Variants in KIF17 observed in about 807,000 individuals in gnomAD.
KIF17 encodes kinesin-like protein KIF17.
A neutral mutation model predicts 96.8 loss-of-function variants in KIF17; 80 were observed. The ratio of observed to expected loss-of-function variants is 0.83; its 90% CI spans 0.69 to 1.00. The LOEUF is 1.00. Among genes scored for constraint, KIF17 ranks in the 50% least tolerant of loss-of-function variants. KIF17 has a pLI of 0.00. For synonymous variants in KIF17, 567 were observed against 587.5 expected, an observed-to-expected ratio of 0.97 and a Z score of 0.51; for missense variants, 1,280 against 1,372.9, an observed-to-expected ratio of 0.93 and a Z score of 1.07.
At chr1:20,681,772 A>G (rs1057025802) in intron 11 of KIF17, among the ~76,000 whole-genome samples, 1 of 151,894 alleles carries the variant, frequency 6.6e-6, no homozygotes, top group Non-Finnish European at 1.5e-5. Flanking sequence ...CTCCATCCCA[A>G]TGCTCCTCCT....
chr1:20,693,995 C>T (rs936107553), intron 6 of KIF17: 4 of 152,156 alleles, frequency 2.6e-5, no homozygotes, highest in African/African-American at 9.7e-5. Context: ...CTTTCTGAAC[C>T]ATTGCTTCCT....
In KIF17 at chr1:20,690,293, C is replaced by T; in HGVS notation, c.1276G>A (p.Ala426Thr). ...AGCCTGGCCCGAGACTCCTGCTCGG[C>T]CTTATAGTCGGCTTTCAGCCGGGCC... Reference protein sequence around the residue: ...RLARLKADYKAEQESRARLEE... With the variant: ...RLARLKADYKTEQESRARLEE... Residue 426 changes from alanine to threonine, a missense_variant, in exon 7 of 15, where the codon GCC becomes ACC. Physicochemically the swap from Ala to Thr is moderately conservative, Grantham distance 58. Coordinates refer to ENST00000400463, the MANE Select transcript of KIF17 (RefSeq NM_001122819.3). The T allele has an allele frequency of 2.9e-6, 4 of 1,377,562 alleles. No individual in the cohort carries two copies. Among genetic ancestry groups the T allele is most frequent in the Non-Finnish European group, 2.9e-6 (3 of 1,031,750 alleles). 85.3% of individuals were successfully genotyped at this position (1,377,562 alleles called of 1,614,324 possible).
intron 11 of KIF17, among the ~76,000 whole-genome samples, chr1:20,682,005 A>G (rs1204994126): frequency 6.6e-6 from 1 of 152,092 alleles, no homozygotes; most frequent in Non-Finnish European, 1.5e-5. Context: ...GAACATAAAA[A>G]CGGAGTTGTC....
chr1:20,669,904 A>AAAC (rs2053609441), intron 13 of KIF17, among the ~76,000 whole-genome samples: 1 of 121,336 alleles, frequency 8.2e-6, no homozygotes. Flanking sequence ...AAAAAAAAAA[A>AAAC]CAACCACCAC....
chr1:20,686,199 T>TCACCTTGGGGA, intron 8 of KIF17, 73 bp from the exon 9 acceptor site: 1 of 1,326,260 alleles, frequency 7.5e-7, no homozygotes, highest in Non-Finnish European at 1.1e-6. Flanking sequence ...CCCTCACCCC[T>TCACCTTGGGGA]GGCCTCACTT....
intron 13 of KIF17, among the ~76,000 whole-genome samples, chr1:20,668,598 C>T (rs1047644398): frequency 6.6e-6 from 1 of 152,084 alleles, no homozygotes; most frequent in Non-Finnish European, 1.5e-5. Context: ...AGTTGCTCAG[C>T]CAGAGATGTT....
intron 5 of KIF17, 34 bp from the exon 6 acceptor site, chr1:20,698,522 AG>A: frequency 7.1e-7 from 1 of 1,409,522 alleles, no homozygotes; most frequent in Non-Finnish European, 1.0e-6. Flanking sequence ...AGCCAGGATG[AG>A]GGGCACATTG....
At chr1:20,684,505 G>A (rs973251075) in intron 10 of KIF17, among the ~76,000 whole-genome samples, 1 of 152,238 alleles carries the variant, frequency 6.6e-6, no homozygotes, top group African/African-American at 2.4e-5. Flanking sequence ...ACATTCAGGA[G>A]GGCACTGGAG....
At chr1:20,712,657 C>CTATATATATAATATAGATAATATCTA (rs1179020500) in intron 3 of KIF17, among the ~76,000 whole-genome samples, 1 of 14,584 alleles carries the variant, frequency 6.9e-5, no homozygotes, top group African/African-American at 2.2e-4. Flanking sequence ...ATAATATTAT[C>CTATATATATAATATAGATAATATCTA]TATATATAAT....
intron 1 of KIF17, among the ~76,000 whole-genome samples, chr1:20,716,563 G>A (rs1219882983): frequency 6.6e-6 from 1 of 152,234 alleles, no homozygotes; most frequent in Non-Finnish European, 1.5e-5. Flanking sequence ...AGAACTGGGG[G>A]AGCTGGGAGT....
At chr1:20,705,990 C>A (rs1340298023) in intron 4 of KIF17, among the ~76,000 whole-genome samples, 1 of 144,296 alleles carries the variant, frequency 6.9e-6, no homozygotes, top group Non-Finnish European at 1.5e-5. Flanking sequence ...CTCAATACAG[C>A]CTCGAACTCC....
At chr1:20,701,527 C>T (rs368630041) in intron 5 of KIF17, among the ~76,000 whole-genome samples, 3 of 152,176 alleles carry the variant, frequency 2.0e-5, no homozygotes, top group Admixed American at 6.5e-5. Flanking sequence ...GGGACCCAGG[C>T]GAAGCCACCT....
In KIF17 at chr1:20,664,139, G is replaced by A. The variant is rs938744406; in HGVS notation, c.*445C>T. 1.4e-5 allele frequency: 4 copies of A among 294,126 alleles called. No homozygotes were observed. Among genetic ancestry groups the A allele is most frequent in the Admixed American group, 9.0e-5 (2 of 22,170 alleles). The allele number at this position is 294,126 out of a possible 1,614,324, so 18.2% of individuals were successfully genotyped here. A position where few individuals can be genotyped will look rare whatever the true frequency, so the allele number is the denominator to read the frequency against. ...CCCCTGTGCCACCCCATGGGGCAGGGCAGTGCTTAGGAAGTGGGGCCAGTC... is the reference window on the plus strand; with the variant it reads ...CCCCTGTGCCACCCCATGGGGCAGGACAGTGCTTAGGAAGTGGGGCCAGTC... On this transcript the variant is annotated 3_prime_UTR_variant, in exon 15 of 15. Transcript: ENST00000400463.
In KIF17 at chr1:20,670,416, C is replaced by A. The variant is rs533376414; in HGVS notation, c.2790+5G>T. 4.5e-5 allele frequency: 72 copies of A among 1,613,698 alleles called. No homozygotes were observed. The African/African-American group carries it at 7.6e-4, about 17-fold the overall frequency. On this transcript the variant is annotated splice_donor_5th_base_variant and intron_variant, in intron 13 of 14. Transcript: ENST00000400463. ...ACACCCCACTCCCTCTCCCGCGGTC[C>A]TCACCATGTTCGGCTCGCCATTGTC...
At position 20,684,976 on chromosome 1, in the gene KIF17, T is replaced by C. The variant is rs1178408092; in HGVS notation, c.2064A>G (p.Thr688=). ...ASEVALEVVR[T]AEPGVWLEAQ... is the part of the protein sequence containing the mutation. ...CCTCCAACCACACGCCAGGCTCTGC[T>C]GTCCGCACCACCTCTAAGGCCACTT... Residue 688 remains threonine, a synonymous_variant, in exon 10 of 15, where the codon ACA becomes ACG. Coordinates refer to ENST00000400463, the MANE Select transcript of KIF17 (RefSeq NM_001122819.3). 5 of 1,605,922 alleles carry C rather than the reference T, an allele frequency of 3.1e-6. No individual in the cohort carries two copies. Among genetic ancestry groups the C allele is most frequent in the Non-Finnish European group, 4.2e-6 (5 of 1,176,532 alleles).
chr1:20,682,328 G>T (rs1325108450), intron 11 of KIF17, among the ~76,000 whole-genome samples: 4 of 152,154 alleles, frequency 2.6e-5, no homozygotes, highest in Non-Finnish European at 4.4e-5. Flanking sequence ...GTGCTTTCCA[G>T]CCTGGGCAAT....
intron 2 of KIF17, among the ~76,000 whole-genome samples, chr1:20,714,626 A>G (rs1451222577): frequency 6.6e-6 from 1 of 151,658 alleles, no homozygotes; most frequent in Non-Finnish European, 1.5e-5. Flanking sequence ...GCGAAACTCC[A>G]TCTCTACTAA....
chr1:20,684,930 C>T lies in KIF17; in HGVS notation c.2110G>A (p.Val704Met). The T allele has an allele frequency of 1.3e-5, 21 of 1,599,266 alleles. No individual in the cohort carries two copies. The highest frequency in any genetic ancestry group is 1.7e-5 in the Non-Finnish European group (20 of 1,173,526). The stretch of plus-strand genomic sequence containing the variant: ...GCCGGCAGGGGCTCAGGCTGAGCCA[C>T]CAGGGCCACCGGGGCCTGAGCCTCC... ...WLEAQAPVAL[V>M]AQPEPLPATA... The change falls in exon 10 of 15, where the codon GTG becomes ATG. Residue 704 changes from valine (V) to methionine (M), a missense_variant. By Grantham distance (21) the Val-to-Met change is conservative. Transcript: ENST00000400463.
intron 12 of KIF17, 86 bp downstream of exon 12, chr1:20,671,852 A>T: frequency 6.6e-7 from 1 of 1,505,184 alleles, no homozygotes; most frequent in Non-Finnish European, 9.1e-7. Context: ...ACAGCCTGCA[A>T]GGAGAGGCCC....
Sources: gnomAD v4.1 joint callset for allele counts (sites outside exome capture counted in the v4.1 genomes callset) on GRCh38, gnomAD v4.1.1 for gene constraint, MANE v1.5 for transcripts, NCBI Gene and HGNC (gene_info 2026-07-23, HGNC 2026-07-21) for gene names.